Variants in FRS2 observed in about 807,000 individuals in gnomAD.
FRS2 encodes FGFR signalling adaptor.
A neutral mutation model predicts 43.9 loss-of-function variants in FRS2; 8 were observed. The ratio of observed to expected loss-of-function variants is 0.18; its 90% CI spans 0.11 to 0.33. The LOEUF (loss-of-function observed/expected upper bound fraction) is 0.33. FRS2 is among the 10% of genes least tolerant of loss of function. The probability of loss-of-function intolerance (pLI) is 1.00; values close to 1 mark genes in which losing one functional copy is unlikely to be tolerated. For synonymous variants in FRS2, 219 were observed against 220.3 expected (o/e 0.99, Z 0.05); for missense variants, 534 against 627.6 (o/e 0.85, Z 1.59).
At chr12:69,492,817 G>T (rs1160164481) in intron 1 of FRS2, among the ~76,000 whole-genome samples, 10 of 152,142 alleles carry the variant, frequency 6.6e-5, no homozygotes, top group Non-Finnish European at 1.3e-4. Flanking sequence ...TTCTCTGTTT[G>T]GTTCCATGGT....
At chr12:69,489,018 G>A (rs1259575242) in intron 1 of FRS2, among the ~76,000 whole-genome samples, 1 of 152,152 alleles carries the variant, frequency 6.6e-6, no homozygotes, top group Non-Finnish European at 1.5e-5. Context: ...TGTTAAAAGA[G>A]TTTCTACTGA....
In FRS2 at chr12:69,575,061, A is replaced by C. The variant is rs1881096733; in HGVS notation, c.*106A>C. Reference sequence around the variant, plus strand: ...CACTAACTCCTTTTATAGACTGATAAAATTTTTTTCTGAATATTTCATGTG... The same window carrying C: ...CACTAACTCCTTTTATAGACTGATACAATTTTTTTCTGAATATTTCATGTG... On this transcript the variant is annotated 3_prime_UTR_variant, in exon 9 of 9. Transcript: ENST00000549921. The C allele has an allele frequency of 4.1e-6, 3 of 728,630 alleles. No homozygotes were observed. The highest frequency in any genetic ancestry group is 5.2e-5 in the East Asian group (2 of 38,224). 45.1% of individuals were successfully genotyped at this position (728,630 alleles called of 1,614,324 possible).
intron 1 of FRS2, among the ~76,000 whole-genome samples, chr12:69,522,190 T>TTGTGTGTGTGTGTGTGTGTGTGTGTGTG (rs201103216): frequency 7.4e-6 from 1 of 134,714 alleles, no homozygotes; most frequent in African/African-American, 2.8e-5. Context: ...GAAGTTTTCT[T>TTGTGTGTGTGTGTGTGTGTGTGTGTGTG]TGTGTGTGTG....
At chr12:69,571,241 G>A in intron 6 of FRS2, 35 bp from the exon 7 acceptor site, 1 of 1,470,354 alleles carries the variant, frequency 6.8e-7, no homozygotes, top group South Asian at 1.2e-5. Flanking sequence ...TTAAAGGTAT[G>A]TTAACTATTT....
At chr12:69,487,927 G>A (rs780017181) in intron 1 of FRS2, among the ~76,000 whole-genome samples, 11 of 152,148 alleles carry the variant, frequency 7.2e-5, no homozygotes, top group Non-Finnish European at 1.2e-4. Context: ...GGTGAACATT[G>A]CAAGAGGATT....
intron 4 of FRS2, among the ~76,000 whole-genome samples, chr12:69,565,614 C>G (rs188736650): frequency 6.6e-6 from 1 of 152,066 alleles, no homozygotes; most frequent in East Asian, 1.9e-4. Context: ...TTTAAAACTT[C>G]TGTTAAAAAC....
chr12:69,571,257 T>G lies in FRS2; in HGVS notation c.254-19T>G, dbSNP rs572870444. 94 of 1,553,036 alleles carry G rather than the reference T, an allele frequency of 6.1e-5. No individual in the cohort carries two copies. In the East Asian group the frequency reaches 2.0e-3, roughly 34 times the overall value. On this transcript the variant is annotated intron_variant, in intron 6 of 8. Coordinates refer to ENST00000549921, the MANE Select transcript of FRS2 (RefSeq NM_001278356.2). The stretch of plus-strand genomic sequence containing the variant: ...TAAAGGTATGTTAACTATTTTTCCC[T>G]TTTGGTTTATATTTGTAGGAATCTT...
At chr12:69,544,722 TAAATA>T (rs1878219051) in intron 3 of FRS2, among the ~76,000 whole-genome samples, 1 of 151,622 alleles carries the variant, frequency 6.6e-6, no homozygotes, top group African/African-American at 2.4e-5. Flanking sequence ...AAATTAATAA[TAAATA>T]AATAAATAAA....
intron 3 of FRS2, among the ~76,000 whole-genome samples, chr12:69,536,756 A>T (rs1877359562): frequency 6.6e-6 from 1 of 151,512 alleles, no homozygotes; most frequent in Non-Finnish European, 1.5e-5. Context: ...TTTTTTAGAG[A>T]TGTTATCCCA....
At position 69,574,604 on chromosome 12, in the gene FRS2, T is replaced by C. The variant is rs779659621; in HGVS notation, c.1176T>C (p.Tyr392=). 5 of 1,613,956 alleles carry C rather than the reference T, an allele frequency of 3.1e-6. No homozygotes were observed. The highest frequency in any genetic ancestry group is 2.7e-5 in the African/African-American group (2 of 74,916). The change falls in exon 9 of 9, where the codon TAT becomes TAC. Residue 392 remains tyrosine, a synonymous_variant. Transcript: ENST00000549921. ...ATAATCTAGATCCAATGCATAACTA[T>C]GTAAATACAGAGAATGTAACAGTGC... The part of the protein sequence containing the change: ...YHNNLDPMHN[Y]VNTENVTVPA...
At chr12:69,489,728 G>A (rs1872290846) in intron 1 of FRS2, among the ~76,000 whole-genome samples, 1 of 149,808 alleles carries the variant, frequency 6.7e-6, no homozygotes, top group Admixed American at 6.6e-5. Flanking sequence ...CTTTTTCTCT[G>A]TAATTGTCAA....
chr12:69,483,115 A>G (rs1871488192), intron 1 of FRS2, among the ~76,000 whole-genome samples: 2 of 152,240 alleles, frequency 1.3e-5, no homozygotes. Context: ...AACATCTTAC[A>G]TAGATGTCAT....
intron 1 of FRS2, among the ~76,000 whole-genome samples, chr12:69,495,966 A>G (rs1026912366): frequency 6.6e-6 from 1 of 152,212 alleles, no homozygotes; most frequent in Admixed American, 6.5e-5. Flanking sequence ...TAATTGAATT[A>G]TTAATAGTAT....
intron 3 of FRS2, among the ~76,000 whole-genome samples, chr12:69,553,860 T>C (rs761890582): frequency 1.3e-5 from 2 of 152,218 alleles, no homozygotes; most frequent in Non-Finnish European, 2.9e-5. Flanking sequence ...ATACCAGGTG[T>C]CCAGCTGCAT....
chr12:69,563,934 C>A (rs1275925178), intron 4 of FRS2, among the ~76,000 whole-genome samples: 4 of 152,130 alleles, frequency 2.6e-5, no homozygotes, highest in Non-Finnish European at 5.9e-5. Context: ...CTTGATCCAT[C>A]AATTAGCCCT....
At chr12:69,540,992 A>G (rs1392746033) in intron 3 of FRS2, among the ~76,000 whole-genome samples, 4 of 152,238 alleles carry the variant, frequency 2.6e-5, no homozygotes, top group Non-Finnish European at 4.4e-5. Context: ...ATTATCAAAA[A>G]CAAGAAAAAT....
intron 3 of FRS2, among the ~76,000 whole-genome samples, chr12:69,544,133 T>C (rs1049211191): frequency 2.0e-5 from 3 of 151,310 alleles, no homozygotes; most frequent in Non-Finnish European, 4.4e-5. Flanking sequence ...GTACTGGAAC[T>C]TAACAGAAAA....
intron 3 of FRS2, among the ~76,000 whole-genome samples, chr12:69,557,638 A>T (rs1410236572): frequency 3.0e-5 from 3 of 100,674 alleles, no homozygotes; most frequent in Admixed American, 9.0e-5. Flanking sequence ...GCGCGCGCGC[A>T]GGTGCATGCA....
At chr12:69,522,188 C>CTT (rs910750529) in intron 1 of FRS2, among the ~76,000 whole-genome samples, 5 of 108,518 alleles carry the variant, frequency 4.6e-5, no homozygotes, top group African/African-American at 1.5e-4. Flanking sequence ...CTGAAGTTTT[C>CTT]TTTGTGTGTG....
Sources: gnomAD v4.1 joint callset for allele counts (sites outside exome capture counted in the v4.1 genomes callset) on GRCh38, gnomAD v4.1.1 for gene constraint, MANE v1.5 for transcripts, NCBI Gene and HGNC (gene_info 2026-07-23, HGNC 2026-07-21) for gene names.